Variants in RYK observed in about 807,000 individuals in gnomAD.
RYK encodes the protein receptor like tyrosine kinase.
RYK carries 21 observed loss-of-function variants against 70.2 expected under a neutral mutation model. That is an observed-to-expected ratio of 0.30 (90% CI 0.21 to 0.43). The LOEUF is 0.43. Among genes scored for constraint, RYK ranks in the 20% least tolerant of loss-of-function variants. The probability of loss-of-function intolerance (pLI) is 1.00; values close to 1 mark genes in which losing one functional copy is unlikely to be tolerated. For synonymous variants in RYK, 267 were observed against 278.0 expected, an observed-to-expected ratio of 0.96 and a Z score of 0.39; for missense variants, 604 against 753.3, an observed-to-expected ratio of 0.80 and a Z score of 2.32.
chr3:134,216,792 CAAAAAA>C (rs61441674), intron 2 of RYK, among the ~76,000 whole-genome samples: 49 of 37,406 alleles, frequency 1.3e-3, no homozygotes, highest in Admixed American at 1.8e-3. Context: ...GACTCTGTCT[CAAAAAA>C]AAAAAAAAAA....
At chr3:134,181,728 T>C (rs1005709039) in intron 10 of RYK, 1 of 152,222 alleles carries the variant, frequency 6.6e-6, no homozygotes, top group Non-Finnish European at 1.5e-5. Context: ...ACAAATTATG[T>C]TGACTCTATA....
At chr3:134,196,130 C>A (rs1435987198) in intron 6 of RYK, among the ~76,000 whole-genome samples, 2 of 152,064 alleles carry the variant, frequency 1.3e-5, no homozygotes, top group Non-Finnish European at 2.9e-5. Context: ...TAATTGTAAA[C>A]CTTGTGTTCA....
intron 13 of RYK, among the ~76,000 whole-genome samples, chr3:134,175,371 G>C (rs2013061604): frequency 6.6e-6 from 1 of 150,752 alleles, no homozygotes; most frequent in African/African-American, 2.4e-5. Context: ...AAGTGCTTCT[G>C]TCAGAGCAGT....
chr3:134,168,852 A>C (rs1409750551), intron 13 of RYK, among the ~76,000 whole-genome samples: 1 of 152,140 alleles, frequency 6.6e-6, no homozygotes, highest in Non-Finnish European at 1.5e-5. Context: ...TCAGCAGACT[A>C]CTTTCCATGG....
At chr3:134,161,914 GCT>G (rs1250480698) in intron 13 of RYK, among the ~76,000 whole-genome samples, 1 of 151,128 alleles carries the variant, frequency 6.6e-6, no homozygotes, top group Admixed American at 6.6e-5. Context: ...TTGTCCCACT[GCT>G]CTGATAGCTA....
At chr3:134,167,379 T>C (rs187906070) in intron 13 of RYK, among the ~76,000 whole-genome samples, 147 of 152,288 alleles carry the variant, frequency 9.7e-4, no homozygotes, top group African/African-American at 3.4e-3. Flanking sequence ...AACAGCATGG[T>C]ACTGGTACCA....
chr3:134,230,705 G>A (rs1463809065), intron 1 of RYK, among the ~76,000 whole-genome samples: 1 of 152,218 alleles, frequency 6.6e-6, no homozygotes, highest in Non-Finnish European at 1.5e-5. Context: ...AGAGGCATCA[G>A]GGAATTTCTG....
intron 6 of RYK, among the ~76,000 whole-genome samples, chr3:134,200,357 A>G (rs745688933): frequency 1.3e-5 from 2 of 152,170 alleles, no homozygotes; most frequent in Non-Finnish European, 2.9e-5. Flanking sequence ...ACTCACTGCG[A>G]AGGTCTGCGG....
intron 1 of RYK, among the ~76,000 whole-genome samples, chr3:134,247,765 CAATT>C (rs988153345): frequency 6.6e-6 from 1 of 151,120 alleles, no homozygotes; most frequent in African/African-American, 2.4e-5. Flanking sequence ...TGGATTAAAA[CAATT>C]TATTCTCATA....
intron 2 of RYK, among the ~76,000 whole-genome samples, chr3:134,218,479 C>A (rs186885314): frequency 1.3e-5 from 2 of 152,294 alleles, no homozygotes; most frequent in East Asian, 3.9e-4. Context: ...GCACCTGACA[C>A]AGCTGGAGAA....
chr3:134,250,302 G>T, intron 1 of RYK, 121 bp downstream of exon 1: 1 of 434,500 alleles, frequency 2.3e-6, no homozygotes, highest in Non-Finnish European at 3.7e-6. Context: ...GGCGAATCCG[G>T]GCGCGGGGGG....
At chr3:134,160,977 A>G (rs903678887) in intron 13 of RYK, among the ~76,000 whole-genome samples, 1 of 152,252 alleles carries the variant, frequency 6.6e-6, no homozygotes, top group African/African-American at 2.4e-5. Flanking sequence ...CTATGTTTCC[A>G]GCAGACCTGT....
intron 6 of RYK, among the ~76,000 whole-genome samples, chr3:134,200,553 T>G (rs2013981378): frequency 6.6e-6 from 1 of 152,236 alleles, no homozygotes; most frequent in Non-Finnish European, 1.5e-5. Context: ...GAACCAATTC[T>G]GGACATACTA....
chr3:134,162,958 C>G (rs1214779988), intron 13 of RYK, among the ~76,000 whole-genome samples: 1 of 152,170 alleles, frequency 6.6e-6, no homozygotes, highest in Non-Finnish European at 1.5e-5. Flanking sequence ...CATCCACTGA[C>G]ATTATAACAC....
chr3:134,182,453 G>A (rs1433200422), intron 10 of RYK, among the ~76,000 whole-genome samples: 2 of 152,014 alleles, frequency 1.3e-5, no homozygotes, highest in African/African-American at 4.8e-5. Context: ...TGCACTAAAA[G>A]TACTGAGATG....
intron 1 of RYK, among the ~76,000 whole-genome samples, chr3:134,231,292 A>C (rs538659628): frequency 6.6e-6 from 1 of 151,878 alleles, no homozygotes; most frequent in South Asian, 2.1e-4. Flanking sequence ...ATTTTATCTT[A>C]TCTGTCAAGG....
At chr3:134,227,227 A>T (rs1464735539) in intron 1 of RYK, among the ~76,000 whole-genome samples, 1 of 152,198 alleles carries the variant, frequency 6.6e-6, no homozygotes, top group Non-Finnish European at 1.5e-5. Flanking sequence ...GCTATGTAAG[A>T]TCTCTACACT....
At chr3:134,200,617 G>T (rs375027075) in intron 6 of RYK, among the ~76,000 whole-genome samples, 1 of 152,174 alleles carries the variant, frequency 6.6e-6, no homozygotes, top group Non-Finnish European at 1.5e-5. Flanking sequence ...TATACGTAGG[G>T]CTCTGTTTTA....
intron 1 of RYK, among the ~76,000 whole-genome samples, chr3:134,242,644 T>A (rs2015355086): frequency 6.6e-6 from 1 of 152,224 alleles, no homozygotes; most frequent in South Asian, 2.1e-4. Context: ...TTGGCGTAAC[T>A]GCATCAAAAC....
Sources: gnomAD v4.1 joint callset for allele counts (sites outside exome capture counted in the v4.1 genomes callset) on GRCh38, gnomAD v4.1.1 for gene constraint, MANE v1.5 for transcripts, NCBI Gene and HGNC (gene_info 2026-07-23, HGNC 2026-07-21) for gene names.